Variants in TNRC6A observed in about 807,000 individuals in gnomAD.
TNRC6A encodes the protein trinucleotide repeat containing adaptor 6A.
In TNRC6A, 44 loss-of-function variants were observed where a neutral mutation model predicts 221.2. The ratio of observed to expected loss-of-function variants is 0.20; its 90% CI spans 0.16 to 0.26. The LOEUF is 0.26. TNRC6A is among the 10% of genes least tolerant of loss of function. The pLI is 1.00. For synonymous variants in TNRC6A, 847 were observed against 838.5 expected (o/e 1.01, Z -0.18); for missense variants, 2,199 against 2,404.4 (o/e 0.91, Z 1.79).
chr16:24,636,649 C>T (rs926237854), intron 1 of TNRC6A, among the ~76,000 whole-genome samples: 3 of 152,006 alleles, frequency 2.0e-5, no homozygotes, highest in African/African-American at 4.8e-5. Flanking sequence ...AGCCACTAAG[C>T]CTGGCTCTTT....
chr16:24,709,160 G>A (rs1264705401), intron 2 of TNRC6A, among the ~76,000 whole-genome samples: 1 of 152,112 alleles, frequency 6.6e-6, no homozygotes, highest in African/African-American at 2.4e-5. Flanking sequence ...GGGAGGCTGA[G>A]GCAGGAGAAT....
At chr16:24,690,908 C>T (rs1301894741) in intron 2 of TNRC6A, among the ~76,000 whole-genome samples, 3 of 151,326 alleles carry the variant, frequency 2.0e-5, no homozygotes, top group South Asian at 4.2e-4. Context: ...CCTGGGTTCA[C>T]GCCATTCTCC....
chr16:24,781,057 T>TC (rs2057833667), intron 5 of TNRC6A, among the ~76,000 whole-genome samples: 1 of 140,998 alleles, frequency 7.1e-6, no homozygotes. Context: ...TTTTTTTTTT[T>TC]TTTTTTTTTT....
intron 18 of TNRC6A, 138 bp downstream of exon 18, chr16:24,809,619 G>A: frequency 8.9e-7 from 1 of 1,120,866 alleles, no homozygotes. Flanking sequence ...AAAAAAAGTT[G>A]TTATTAAGTC....
intron 4 of TNRC6A, among the ~76,000 whole-genome samples, chr16:24,771,226 A>G (rs2057584121): frequency 6.6e-6 from 1 of 152,186 alleles, no homozygotes; most frequent in Admixed American, 6.5e-5. Flanking sequence ...ATTATGGTAA[A>G]TGTATATACA....
intron 5 of TNRC6A, among the ~76,000 whole-genome samples, chr16:24,779,582 T>C (rs1199042739): frequency 2.0e-5 from 3 of 152,160 alleles, no homozygotes; most frequent in Non-Finnish European, 4.4e-5. Flanking sequence ...GGCTAATCCT[T>C]ATGGGGTGCT....
chr16:24,660,543 CT>C (rs1303192389), intron 2 of TNRC6A, among the ~76,000 whole-genome samples: 2 of 151,872 alleles, frequency 1.3e-5, no homozygotes, highest in Admixed American at 6.6e-5. Context: ...AATTGTGCTG[CT>C]ATAAACATGC....
At chr16:24,795,874 C>T (rs1392766226) in intron 8 of TNRC6A, 33 bp from the exon 9 acceptor site, 7 of 1,567,656 alleles carry the variant, frequency 4.5e-6, no homozygotes, top group Non-Finnish European at 6.1e-6. Flanking sequence ...CCCACTGGAC[C>T]ATGCTGTTTT....
At position 24,820,292 on chromosome 16, in the gene TNRC6A, C is replaced by T; in HGVS notation, c.5234C>T (p.Ser1745Phe). 6.2e-7 allele frequency: 1 copy of T among 1,614,178 alleles called. No individual in the cohort carries two copies. The highest frequency in any genetic ancestry group is 8.5e-7 in the Non-Finnish European group (1 of 1,180,036). The change falls in exon 22 of 25, where the codon TCT becomes TTT. Residue 1745 changes from serine to phenylalanine, a missense_variant. Ser to Phe is a radical substitution (Grantham distance 155, BLOSUM62 -2). Coordinates refer to ENST00000395799, the MANE Select transcript of TNRC6A (RefSeq NM_014494.4). ...PGLTGQKPPL[S>F]TWDNSPLRIG... Reference sequence around the variant, plus strand: ...CTGACTGGTCAGAAGCCACCCTTGTCTACGTGGGATAATTCTCCCCTTCGT... The same window carrying T: ...CTGACTGGTCAGAAGCCACCCTTGTTTACGTGGGATAATTCTCCCCTTCGT...
chr16:24,630,999 T>C (rs1901303211), intron 1 of TNRC6A, among the ~76,000 whole-genome samples: 1 of 150,360 alleles, frequency 6.7e-6, no homozygotes, highest in Non-Finnish European at 1.5e-5. Flanking sequence ...TCCATGCTTG[T>C]ACATACAGAT....
In TNRC6A at chr16:24,816,904, T is replaced by A; in HGVS notation, c.4920T>A (p.Asn1640Lys). 2 of 1,614,150 alleles carry A rather than the reference T, an allele frequency of 1.2e-6. No individual in the cohort carries two copies. The highest frequency in any genetic ancestry group is 1.7e-6 in the Non-Finnish European group (2 of 1,180,026). ...PYVTPGSVINNLSINTVREVD... is the reference protein window; with the variant it reads ...PYVTPGSVINKLSINTVREVD... ...TCACTCCTGGCAGTGTCATAAACAA[T>A]CTTTCAATTAATACTGTGCGGGAAG... Residue 1640 changes from asparagine (N) to lysine (K), a missense_variant, in exon 20 of 25, where the codon AAT becomes AAA. Physicochemically the swap from Asn to Lys is moderately conservative, Grantham distance 94. Transcript: ENST00000395799.
rs769259968 is a variant in TNRC6A, at chr16:24,818,628, A to G, written c.5008A>G (p.Thr1670Ala). ...ATCCTTGAACACCACGCTGCCTTCA[A>G]CTAGTGCCTGGTCATCCATTCGTGC... ...SSSLNTTLPS[T>A]SAWSSIRASN... The change falls in exon 21 of 25, where the codon ACT becomes GCT. Residue 1670 changes from threonine (T) to alanine (A), a missense_variant. Coordinates refer to ENST00000395799, the MANE Select transcript of TNRC6A (RefSeq NM_014494.4). 5 of 1,614,034 alleles carry G rather than the reference A, an allele frequency of 3.1e-6. No homozygotes were observed. The highest frequency in any genetic ancestry group is 1.3e-5 in the African/African-American group (1 of 74,908).
At chr16:24,768,608 TATAGAA>T (rs1223309073) in intron 4 of TNRC6A, among the ~76,000 whole-genome samples, 3 of 152,124 alleles carry the variant, frequency 2.0e-5, no homozygotes, top group African/African-American at 7.2e-5. Flanking sequence ...TAACGACACA[TATAGAA>T]ATAGCAATTT....
intron 2 of TNRC6A, among the ~76,000 whole-genome samples, chr16:24,680,229 G>A (rs192207252): frequency 1.1e-3 from 165 of 151,938 alleles, no homozygotes; most frequent in African/African-American, 3.9e-3. Context: ...AGACCAGCCT[G>A]GGCAACATAG....
At chr16:24,745,322 G>T (rs1345048246) in intron 2 of TNRC6A, among the ~76,000 whole-genome samples, 1 of 152,104 alleles carries the variant, frequency 6.6e-6, no homozygotes, top group Non-Finnish European at 1.5e-5. Flanking sequence ...ACTTCCTGTT[G>T]TGTAGTGCTA....
At position 24,777,119 on chromosome 16, in the gene TNRC6A, C is replaced by T. The variant is rs776018514; in HGVS notation, c.350C>T (p.Pro117Leu). The change falls in exon 5 of 25, where the codon CCG (proline) becomes CTG (leucine). Residue 117 changes from proline (P) to leucine (L), a missense_variant. By Grantham distance (98) the Pro-to-Leu change is moderately conservative (BLOSUM62 -3). Coordinates refer to ENST00000395799, the MANE Select transcript of TNRC6A (RefSeq NM_014494.4). ...CCACAGCAGCAGCCACAGCCGCAGCCGCAGCAGCAGCAGCCACAGCAGCAG... is the reference window on the plus strand; with the variant it reads ...CCACAGCAGCAGCCACAGCCGCAGCTGCAGCAGCAGCAGCCACAGCAGCAG... ...QQPQQQPQPQ[P>L]QQQQPQQQPQ... The T allele has an allele frequency of 2.0e-5, 31 of 1,568,670 alleles. No individual in the cohort carries two copies. The highest frequency in any genetic ancestry group is 2.7e-5 in the African/African-American group (2 of 74,088).
chr16:24,611,890 C>T (rs889853551), intron 1 of TNRC6A, among the ~76,000 whole-genome samples: 2 of 151,908 alleles, frequency 1.3e-5, no homozygotes, highest in African/African-American at 4.8e-5. Flanking sequence ...GTCAGGAGTT[C>T]GAGACCAGCC....
intron 5 of TNRC6A, among the ~76,000 whole-genome samples, chr16:24,781,720 C>G (rs1367901040): frequency 1.3e-5 from 2 of 152,134 alleles, no homozygotes; most frequent in Non-Finnish European, 2.9e-5. Context: ...AGTTGCCACC[C>G]CCATTCATCC....
chr16:24,768,105 G>A (rs2057511696), intron 4 of TNRC6A, among the ~76,000 whole-genome samples: 1 of 152,144 alleles, frequency 6.6e-6, no homozygotes, highest in Admixed American at 6.5e-5. Flanking sequence ...ATGGAAGAGA[G>A]ATTAATAGGC....
Sources: gnomAD v4.1 joint callset for allele counts (sites outside exome capture counted in the v4.1 genomes callset) on GRCh38, gnomAD v4.1.1 for gene constraint, MANE v1.5 for transcripts, NCBI Gene and HGNC (gene_info 2026-07-23, HGNC 2026-07-21) for gene names.